CHST12: variants seen among roughly 807,000 people sequenced by gnomAD.
CHST12 encodes the protein carbohydrate sulfotransferase 12.
In CHST12, 23 loss-of-function variants were observed where a neutral mutation model predicts 27.9. The ratio of observed to expected loss-of-function variants is 0.82; its 90% confidence interval spans 0.59 to 1.17. The LOEUF is 1.17. Among genes scored for constraint, CHST12 ranks in the 50% most tolerant of loss-of-function variants. The pLI is 0.00. For missense variants in CHST12, 682 were observed against 603.0 expected, an observed-to-expected ratio of 1.13 and a Z score of -1.37; for synonymous variants, 322 against 273.0, an observed-to-expected ratio of 1.18 and a Z score of -1.77.
chr7:2,413,723 CTTTTTTTTTT>C (rs1198072520), intron 1 of CHST12, among the ~76,000 whole-genome samples: 1 of 104,104 alleles, frequency 9.6e-6, no homozygotes, highest in Admixed American at 1.1e-4. Flanking sequence ...CAGGTTTTAG[CTTTTTTTTTT>C]TTTTTTTTTT....
chr7:2,443,847 C>T lies in CHST12; in HGVS notation c.*9963C>T, dbSNP rs1247573218. The stretch of plus-strand genomic sequence containing the variant: ...TTCTCTCTCAAACCATGGATGGTGC[C>T]TTTTAAAGAAAATGACACCGGCCAG... On this transcript the variant is annotated 3_prime_UTR_variant, in exon 2 of 2. Coordinates refer to ENST00000618655, the MANE Select transcript of CHST12 (RefSeq NM_018641.5). 6.6e-6 allele frequency: 1 copy of T among 152,134 alleles called. No individual in the cohort carries two copies. Among genetic ancestry groups the T allele is most frequent in the African/African-American group, 2.4e-5 (1 of 41,416 alleles). The allele number at this position is 152,134 out of a possible 1,614,324, so 9.4% of individuals were successfully genotyped here. A position where few individuals can be genotyped will look rare whatever the true frequency, so the allele number is the denominator to read the frequency against.
chr7:2,418,518 G>C lies in CHST12; in HGVS notation c.-77-14045G>C, dbSNP rs571905227. On this transcript the variant is annotated intron_variant, in intron 1 of 1. Transcript: ENST00000618655. Reference sequence around the variant, plus strand: ...CGTGCTCTGCTTCAAATCACAGGGGGCTTTTTGTTGAAACACTGGGAGATT... The same window carrying C: ...CGTGCTCTGCTTCAAATCACAGGGGCCTTTTTGTTGAAACACTGGGAGATT... Among the ~76,000 whole-genome samples the C allele has an allele frequency of 4.6e-5, 7 of 152,330 alleles. No individual in the cohort carries two copies. In the East Asian group the frequency reaches 1.3e-3, roughly 29 times the overall value.
Position 2,440,949 on chromosome 7 carries a change from C to CT in CHST12, c.*7071dup, listed in dbSNP as rs1161736638. 2 of 152,152 alleles carry CT rather than the reference C, an allele frequency of 1.3e-5. No individual in the cohort carries two copies. The highest frequency in any genetic ancestry group is 2.9e-5 in the Non-Finnish European group (2 of 68,030). The allele number at this position is 152,152 out of a possible 1,614,324, so 9.4% of individuals were successfully genotyped here. ...CTAGGATGAAAAAGCCAGGCCCTGTCTTTTTTCCTTGTCTAAGCACCATCC... is the reference window on the plus strand; with the variant it reads ...CTAGGATGAAAAAGCCAGGCCCTGTCTTTTTTTCCTTGTCTAAGCACCATCC... On this transcript the variant is annotated 3_prime_UTR_variant, in exon 2 of 2. Coordinates refer to ENST00000618655, the MANE Select transcript of CHST12 (RefSeq NM_018641.5).
chr7:2,433,092 C>T lies in CHST12; in HGVS notation c.453C>T (p.Asn151=). The T allele has an allele frequency of 1.2e-6, 2 of 1,612,634 alleles. No homozygotes were observed. The highest frequency in any genetic ancestry group is 1.7e-6 in the Non-Finnish European group (2 of 1,179,656). ...AGCGCGCATTCGACGACATCCCCAA[C>T]TCGGAGCTGAGCCACCTGATCGTGG... is the stretch of plus-strand genomic sequence containing the variant. ...TKERAFDDIP[N]SELSHLIVDD... is the part of the protein sequence containing the mutation. Residue 151 remains asparagine, a synonymous_variant, in exon 2 of 2, where the codon AAC becomes AAT. Transcript: ENST00000618655. The surrounding 1 kb of genome is among the most constrained non-coding windows in gnomAD (Gnocchi z 6.1).
rs769115925 is a variant in CHST12, at chr7:2,417,387, C to CT, written c.-78+13734dup. Among the ~76,000 whole-genome samples, 1,260 of 129,658 alleles carry CT rather than the reference C, an allele frequency of 9.7e-3. 17 individuals are homozygous for CT. The highest frequency in any genetic ancestry group is 0.01 in the Non-Finnish European group (643 of 61,300). 85.1% of individuals were successfully genotyped at this position (129,658 alleles called of 152,430 possible). A position where few individuals can be genotyped will look rare whatever the true frequency, so the allele number is the denominator to read the frequency against. Reference sequence around the variant, plus strand: ...TACAGGTGTGCGCCACCATGTCTGACTTTTTTTTTTTTTTTTTTTTGTGAT... The same window carrying CT: ...TACAGGTGTGCGCCACCATGTCTGACTTTTTTTTTTTTTTTTTTTTTGTGAT... On this transcript the variant is annotated intron_variant, in intron 1 of 1. Transcript: ENST00000618655.
At chr7:2,431,355 G>C (rs765752988) in intron 1 of CHST12, among the ~76,000 whole-genome samples, 4 of 152,110 alleles carry the variant, frequency 2.6e-5, no homozygotes, top group Non-Finnish European at 5.9e-5. Flanking sequence ...TTCCATTCCC[G>C]GGAGAGAGGA....
At chr7:2,426,048 A>T (rs1456921067) in intron 1 of CHST12, among the ~76,000 whole-genome samples, 2 of 151,834 alleles carry the variant, frequency 1.3e-5, no homozygotes, top group East Asian at 3.9e-4. Context: ...TCTTTGGGGG[A>T]CCTGCATAGT....
intron 1 of CHST12, among the ~76,000 whole-genome samples, chr7:2,413,975 CACCTCG>C (rs756466513): frequency 7.2e-5 from 11 of 151,986 alleles, no homozygotes; most frequent in Non-Finnish European, 1.6e-4. Context: ...GTGATCCACC[CACCTCG>C]GCCTCCCAAA....
chr7:2,429,095 T>A (rs1005399079), intron 1 of CHST12, among the ~76,000 whole-genome samples: 4 of 152,218 alleles, frequency 2.6e-5, no homozygotes, highest in African/African-American at 9.6e-5. Flanking sequence ...GCATGTCCGT[T>A]CATAGGCTCT....
chr7:2,418,184 GC>G (rs1012066644), intron 1 of CHST12, among the ~76,000 whole-genome samples: 1 of 152,250 alleles, frequency 6.6e-6, no homozygotes, highest in African/African-American at 2.4e-5. Context: ...TGCAGAGTCT[GC>G]CCCTGGCTTC....
Position 2,436,745 on chromosome 7 carries a change from C to T in CHST12, c.*2861C>T, listed in dbSNP as rs1782483700. On this transcript the variant is annotated 3_prime_UTR_variant, in exon 2 of 2. Coordinates refer to ENST00000618655, the MANE Select transcript of CHST12 (RefSeq NM_018641.5). ...TCACTGAGGGGGGCCCGCGTCCCCT[C>T]CATTTCTGCATTCCCAGTTCTTGGT... 1 of 152,282 alleles carries T rather than the reference C, an allele frequency of 6.6e-6. No homozygotes were observed. Among genetic ancestry groups the T allele is most frequent in the Non-Finnish European group, 1.5e-5 (1 of 68,074 alleles). The allele number at this position is 152,282 out of a possible 1,614,324, so 9.4% of individuals were successfully genotyped here.
intron 1 of CHST12, among the ~76,000 whole-genome samples, chr7:2,416,283 T>A (rs1649153149): frequency 6.6e-6 from 1 of 152,218 alleles, no homozygotes; most frequent in African/African-American, 2.4e-5. Context: ...TCTTGCTGTT[T>A]CCACCACATC....
rs1782709692 is a variant in CHST12 at position 2,444,793 on chromosome 7, G to C, written c.*10909G>C. ...CTCCCCCTGGGCTCCTTCACAGTTT[G>C]TGTGTCCTCACAGAGCAAGGAAGTT... On this transcript the variant is annotated 3_prime_UTR_variant, in exon 2 of 2. Coordinates refer to ENST00000618655, the MANE Select transcript of CHST12 (RefSeq NM_018641.5). 2 of 152,244 alleles carry C rather than the reference G, an allele frequency of 1.3e-5. No homozygotes were observed. The highest frequency in any genetic ancestry group is 2.9e-5 in the Non-Finnish European group (2 of 68,054). 9.4% of individuals were successfully genotyped at this position (152,244 alleles called of 1,614,324 possible).
intron 1 of CHST12, among the ~76,000 whole-genome samples, chr7:2,412,702 C>T (rs967085743): frequency 1.3e-5 from 2 of 152,202 alleles, no homozygotes; most frequent in African/African-American, 4.8e-5. Flanking sequence ...TCTCCAACAA[C>T]AGCCTGAGTT....
Position 2,433,315 on chromosome 7 carries a change from C to G in CHST12, c.676C>G (p.Leu226Val). The G allele has an allele frequency of 6.2e-7, 1 of 1,612,658 alleles. No individual in the cohort carries two copies. The highest frequency in any genetic ancestry group is 8.5e-7 in the Non-Finnish European group (1 of 1,179,604). Reference sequence around the variant, plus strand: ...CAAGTTCTGGCGCCGCTACGGGAAGCTCTCCCGCCACCTCATGAAGGTCAA... The same window carrying G: ...CAAGTTCTGGCGCCGCTACGGGAAGGTCTCCCGCCACCTCATGAAGGTCAA... ...FNKFWRRYGK[L>V]SRHLMKVKLK... The change falls in exon 2 of 2, where the codon CTC (leucine) becomes GTC (valine). Residue 226 changes from leucine (L) to valine (V), a missense_variant. Transcript: ENST00000618655. The surrounding 1 kb of genome is among the most constrained non-coding windows in gnomAD (Gnocchi z 6.1).
chr7:2,442,319 T>TG lies in CHST12; in HGVS notation c.*8436dup, dbSNP rs1368668691. On this transcript the variant is annotated 3_prime_UTR_variant, in exon 2 of 2. Coordinates refer to ENST00000618655, the MANE Select transcript of CHST12 (RefSeq NM_018641.5). ...GGTTGCTTCCATCTCTCGGCTCTTGTGAATAATGCTGCTGTGAACACGGGT... is the reference window on the plus strand; with the variant it reads ...GGTTGCTTCCATCTCTCGGCTCTTGTGGAATAATGCTGCTGTGAACACGGGT... 9 of 152,376 alleles carry TG rather than the reference T, an allele frequency of 5.9e-5. No individual in the cohort carries two copies. The highest frequency in any genetic ancestry group is 5.2e-4 in the Admixed American group (8 of 15,294). The allele number at this position is 152,376 out of a possible 1,614,324, so 9.4% of individuals were successfully genotyped here.
rs910670953 is a variant in CHST12 at position 2,406,536 on chromosome 7, C to T, written c.-78+2863C>T. Among the ~76,000 whole-genome samples, 5 of 149,134 alleles carry T rather than the reference C, an allele frequency of 3.4e-5. No individual in the cohort carries two copies. In the East Asian group the frequency reaches 5.9e-4, roughly 18 times the overall value. Reference sequence around the variant, plus strand: ...GGCGCGGTTGAGTATGGGGTGGGGGCGCAGTGCTGAACAGGGCACAGGAGG... The same window carrying T: ...GGCGCGGTTGAGTATGGGGTGGGGGTGCAGTGCTGAACAGGGCACAGGAGG... On this transcript the variant is annotated intron_variant, in intron 1 of 1. Coordinates refer to ENST00000618655, the MANE Select transcript of CHST12 (RefSeq NM_018641.5).
At chr7:2,421,195 C>T (rs894806099) in intron 1 of CHST12, among the ~76,000 whole-genome samples, 1 of 148,306 alleles carries the variant, frequency 6.7e-6, no homozygotes, top group Non-Finnish European at 1.5e-5. Context: ...GTAGCTGGGA[C>T]TGTAAGTGCA....
rs1781604225 is a variant in CHST12 at position 2,409,324 on chromosome 7, T to C, written c.-78+5651T>C. On this transcript the variant is annotated intron_variant, in intron 1 of 1. Coordinates refer to ENST00000618655, the MANE Select transcript of CHST12 (RefSeq NM_018641.5). ...ATTAAAAGAATTAGCTAAAAAGAAT[T>C]ATGGAGCGGGTAGGGCGTGGTGGTT... 1.3e-5 allele frequency among the ~76,000 whole-genome samples: 2 copies of C among 152,004 alleles called. 1 individual carries two copies. Among genetic ancestry groups the C allele is most frequent in the South Asian group, 4.2e-4 (2 of 4,816 alleles).
Sources: allele counts gnomAD v4.1 joint callset (sites outside exome capture counted in the v4.1 genomes callset), GRCh38; gene constraint gnomAD v4.1.1; non-coding constraint Gnocchi (gnomAD v3.1); transcripts MANE v1.5; gene names NCBI Gene and HGNC (gene_info 2026-07-23, HGNC 2026-07-21).